The following SNX14 variants were observed in gnomAD, a reference collection of about 807,000 sequenced individuals.
SNX14 encodes the protein sorting nexin-14.
In SNX14, 93 loss-of-function variants were observed where a neutral mutation model predicts 133.8. The observed-to-expected ratio is 0.70, with a 90% CI of 0.59 to 0.83. The LOEUF is 0.83. Among genes scored for constraint, SNX14 ranks in the 40% least tolerant of loss-of-function variants. The probability of loss-of-function intolerance (pLI) is 0.00; values close to 1 mark genes in which losing one functional copy is unlikely to be tolerated. For missense variants in SNX14, 945 were observed against 1,094.9 expected (o/e 0.86, Z 1.93); for synonymous variants, 368 against 365.6 (o/e 1.01, Z -0.07).
intron 1 of SNX14, among the ~76,000 whole-genome samples, chr6:85,592,802 A>G (rs1203492383): frequency 6.6e-6 from 1 of 150,878 alleles, no homozygotes; most frequent in African/African-American, 2.4e-5. Context: ...ATCCTGGCTA[A>G]AACGGTGAAA....
At chr6:85,580,290 C>T (rs540902483) in intron 1 of SNX14, among the ~76,000 whole-genome samples, 1 of 152,164 alleles carries the variant, frequency 6.6e-6, no homozygotes, top group East Asian at 1.9e-4. Context: ...TGGCAGGATT[C>T]ATCGTCTGCT....
intron 20 of SNX14, among the ~76,000 whole-genome samples, chr6:85,526,960 T>C (rs1428289489): frequency 1.3e-5 from 2 of 152,006 alleles, no homozygotes; most frequent in South Asian, 2.1e-4. Flanking sequence ...TCCCAGCTAC[T>C]TGGGAGGCCG....
intron 7 of SNX14, 83 bp from the exon 8 acceptor site, chr6:85,549,962 A>G: frequency 2.4e-6 from 3 of 1,260,776 alleles, no homozygotes; most frequent in Non-Finnish European, 2.2e-6. Flanking sequence ...ATAGAAGAGC[A>G]TGGGCTGGGC....
chr6:85,533,087 A>G (rs1202190625), intron 18 of SNX14, among the ~76,000 whole-genome samples: 3 of 152,156 alleles, frequency 2.0e-5, no homozygotes, highest in African/African-American at 7.2e-5. Context: ...GGGTTTCGCC[A>G]TGTGGGCCAG....
At chr6:85,569,417 C>G (rs897136464) in intron 4 of SNX14, among the ~76,000 whole-genome samples, 2 of 152,182 alleles carry the variant, frequency 1.3e-5, no homozygotes, top group African/African-American at 4.8e-5. Flanking sequence ...ACATATCAAA[C>G]CTGAATATAT....
At chr6:85,531,479 C>G (rs372640269) in intron 18 of SNX14, among the ~76,000 whole-genome samples, 1 of 152,160 alleles carries the variant, frequency 6.6e-6, no homozygotes, top group Non-Finnish European at 1.5e-5. Context: ...CAAAACAACA[C>G]TTCTTTCTAT....
intron 17 of SNX14, among the ~76,000 whole-genome samples, chr6:85,535,865 C>A (rs577988011): frequency 6.6e-6 from 1 of 152,224 alleles, no homozygotes; most frequent in East Asian, 1.9e-4. Context: ...CTAAACACCC[C>A]TTTTATACCC....
intron 4 of SNX14, among the ~76,000 whole-genome samples, chr6:85,569,797 A>C (rs1227025820): frequency 1.3e-5 from 2 of 152,232 alleles, no homozygotes; most frequent in African/African-American, 4.8e-5. Flanking sequence ...AGATTACATG[A>C]AATAAAGAAT....
At chr6:85,541,621 T>C (rs1783789122) in intron 15 of SNX14, among the ~76,000 whole-genome samples, 1 of 152,198 alleles carries the variant, frequency 6.6e-6, no homozygotes, top group East Asian at 1.9e-4. Context: ...CCCTCCACTT[T>C]TGTACCCAGT....
At chr6:85,567,501 C>A in intron 5 of SNX14, 33 bp downstream of exon 5, 1 of 1,449,108 alleles carries the variant, frequency 6.9e-7, no homozygotes, top group Non-Finnish European at 9.3e-7. Context: ...TTCACTGTAT[C>A]ACAGAAAAAA....
At chr6:85,584,736 A>C (rs1800119555) in intron 1 of SNX14, among the ~76,000 whole-genome samples, 1 of 152,220 alleles carries the variant, frequency 6.6e-6, no homozygotes, top group South Asian at 2.1e-4. Flanking sequence ...GATCATTAAA[A>C]AGTCAGGAAA....
intron 17 of SNX14, among the ~76,000 whole-genome samples, chr6:85,535,297 G>A (rs1348027704): frequency 1.3e-5 from 2 of 151,296 alleles, no homozygotes; most frequent in African/African-American, 4.9e-5. Context: ...TTACAAATAT[G>A]AGCCACCACA....
intron 1 of SNX14, among the ~76,000 whole-genome samples, chr6:85,586,729 C>G (rs1460711116): frequency 6.6e-6 from 1 of 151,730 alleles, no homozygotes; most frequent in East Asian, 1.9e-4. Context: ...CATAGGCTCG[C>G]TACTTTTTTT....
At chr6:85,519,536 G>T (rs756958167) in intron 21 of SNX14, among the ~76,000 whole-genome samples, 1 of 152,176 alleles carries the variant, frequency 6.6e-6, no homozygotes, top group African/African-American at 2.4e-5. Context: ...GGCTGAGGCA[G>T]GAAGGATCAC....
intron 28 of SNX14, among the ~76,000 whole-genome samples, chr6:85,506,771 C>T (rs1473996076): frequency 2.0e-5 from 3 of 152,086 alleles, no homozygotes; most frequent in Admixed American, 2.0e-4. Context: ...TGACTTAAAC[C>T]TTTGCTCAAA....
chr6:85,508,230 T>C (rs1485620092), intron 26 of SNX14, 171 bp from the exon 27 acceptor site: 15 of 1,291,694 alleles, frequency 1.2e-5, no homozygotes, highest in Middle Eastern at 2.9e-4. Context: ...GAGGTTTCTA[T>C]GGTCAAGTTG....
At chr6:85,521,124 G>A (rs1776716433) in intron 21 of SNX14, among the ~76,000 whole-genome samples, 1 of 152,196 alleles carries the variant, frequency 6.6e-6, no homozygotes, top group East Asian at 1.9e-4. Flanking sequence ...AAACTTTGGT[G>A]AATGCGGTGT....
At chr6:85,550,799 T>C (rs1391829247) in intron 7 of SNX14, among the ~76,000 whole-genome samples, 1 of 152,056 alleles carries the variant, frequency 6.6e-6, no homozygotes, top group African/African-American at 2.4e-5. Flanking sequence ...TTTTTTTTTT[T>C]TGAGGCAGAG....
At chr6:85,538,457 A>G (rs1222053169) in intron 16 of SNX14, among the ~76,000 whole-genome samples, 2 of 152,162 alleles carry the variant, frequency 1.3e-5, no homozygotes, top group Non-Finnish European at 2.9e-5. Context: ...TATGATTATT[A>G]TGCCCAGAAA....
Sources: gnomAD v4.1 joint callset for allele counts (sites outside exome capture counted in the v4.1 genomes callset) on GRCh38, gnomAD v4.1.1 for gene constraint, MANE v1.5 for transcripts, NCBI Gene and HGNC (gene_info 2026-07-23, HGNC 2026-07-21) for gene names.